PELI1: variants seen among roughly 807,000 people sequenced by gnomAD.
PELI1 encodes the protein pellino E3 ubiquitin protein ligase 1.
A neutral mutation model predicts 41.3 loss-of-function variants in PELI1; 15 were observed. The observed-to-expected ratio is 0.36, with a 90% CI of 0.24 to 0.56. The LOEUF (loss-of-function observed/expected upper bound fraction) is 0.56. Among genes scored for constraint, PELI1 ranks in the 20% least tolerant of loss-of-function variants. PELI1 has a pLI of 0.82. For synonymous variants in PELI1, 178 were observed against 180.1 expected (o/e 0.99, Z 0.09); for missense variants, 403 against 525.5 (o/e 0.77, Z 2.28).
At chr2:64,109,023 G>A (rs756282615) in intron 1 of PELI1, among the ~76,000 whole-genome samples, 51 of 152,192 alleles carry the variant, frequency 3.4e-4, no homozygotes, top group Admixed American at 6.5e-5. Context: ...ACCATAGTGA[G>A]GAGCTCCAAT....
rs1681879274 is a variant in PELI1 at position 64,140,793 on chromosome 2, AAAAAAACAAACAAAC to A, written c.-70+3273_-70+3287del. On this transcript the variant is annotated intron_variant, in intron 1 of 6. Transcript: ENST00000358912. ...ATCTACTCAAGACAACATGCAAAAAAAAAAAACAAACAAACAAAAAAAAACCTAGGGGCAGAACTT... is the reference window on the plus strand; with the variant it reads ...ATCTACTCAAGACAACATGCAAAAAAAAAAAAAAACCTAGGGGCAGAACTT... Among the ~76,000 whole-genome samples, 7 of 139,022 alleles carry A rather than the reference AAAAAAACAAACAAAC, an allele frequency of 5.0e-5. 1 individual carries two copies. The South Asian group carries it at 1.1e-3, about 23-fold the overall frequency. 91.2% of individuals were successfully genotyped at this position (139,022 alleles called of 152,430 possible). A position where few individuals can be genotyped will look rare whatever the true frequency, so the allele number is the denominator to read the frequency against.
intron 1 of PELI1, among the ~76,000 whole-genome samples, chr2:64,116,143 G>A (rs941304804): frequency 1.6e-4 from 25 of 152,154 alleles, no homozygotes; most frequent in African/African-American, 4.8e-5. Context: ...ACAGGGTCAC[G>A]TGCTCCCTGA....
intron 3 of PELI1, 175 bp downstream of exon 3, chr2:64,104,526 C>G: frequency 5.1e-6 from 5 of 981,032 alleles, no homozygotes; most frequent in Non-Finnish European, 6.8e-6. Context: ...AGTCCAATTC[C>G]CCTTCCATAT....
chr2:64,123,075 C>A (rs979780980), intron 1 of PELI1, among the ~76,000 whole-genome samples: 1 of 152,178 alleles, frequency 6.6e-6, no homozygotes, highest in African/African-American at 2.4e-5. Flanking sequence ...CACTAAAGAA[C>A]AGAGCAGTCA....
intron 1 of PELI1, among the ~76,000 whole-genome samples, chr2:64,129,959 T>C (rs1681502529): frequency 1.3e-5 from 2 of 152,244 alleles, no homozygotes; most frequent in East Asian, 3.8e-4. Context: ...ATGTAATTTT[T>C]GTTAGAAATG....
chr2:64,120,199 A>C (rs1681161191), intron 1 of PELI1, among the ~76,000 whole-genome samples: 1 of 152,244 alleles, frequency 6.6e-6, no homozygotes, highest in African/African-American at 2.4e-5. Flanking sequence ...AAGCACCTAC[A>C]TACTGACATG....
chr2:64,142,372 T>G (rs1455226526), intron 1 of PELI1, among the ~76,000 whole-genome samples: 6 of 152,196 alleles, frequency 3.9e-5, no homozygotes, highest in Non-Finnish European at 8.8e-5. Context: ...AGGACAACTA[T>G]ATAGTACAAA....
Position 64,121,818 on chromosome 2 carries a change from T to C in PELI1, c.-69-13439A>G, listed in dbSNP as rs188370743. 5.2e-4 allele frequency among the ~76,000 whole-genome samples: 78 copies of C among 150,302 alleles called. 1 individual carries two copies. In the East Asian group the frequency reaches 0.014, roughly 28 times the overall value. Reference sequence around the variant, plus strand: ...TACTTGGGAGGCTGAGGCAGGAGAATAGCTTGAACCCGGGAGGCGGAGGTT... The same window carrying C: ...TACTTGGGAGGCTGAGGCAGGAGAACAGCTTGAACCCGGGAGGCGGAGGTT... On this transcript the variant is annotated intron_variant, in intron 1 of 6. Coordinates refer to ENST00000358912, the MANE Select transcript of PELI1 (RefSeq NM_020651.4).
chr2:64,133,832 TG>T (rs10713817), intron 1 of PELI1, among the ~76,000 whole-genome samples: 34,847 of 151,882 alleles, frequency 0.23, 5,288 homozygotes, highest in East Asian at 0.74. Flanking sequence ...GATGGTTTTA[TG>T]GGCATTATAG....
At chr2:64,117,378 A>G (rs1471155760) in intron 1 of PELI1, among the ~76,000 whole-genome samples, 2 of 151,950 alleles carry the variant, frequency 1.3e-5, no homozygotes, top group Non-Finnish European at 2.9e-5. Flanking sequence ...AATATATAAT[A>G]GACCTGGAAA....
At chr2:64,108,946 C>G (rs1680709288) in intron 1 of PELI1, among the ~76,000 whole-genome samples, 1 of 152,206 alleles carries the variant, frequency 6.6e-6, no homozygotes, top group Non-Finnish European at 1.5e-5. Flanking sequence ...ACCCAGAAAA[C>G]AGTTTTGCCC....
intron 3 of PELI1, among the ~76,000 whole-genome samples, chr2:64,101,206 G>A (rs569203481): frequency 6.6e-6 from 1 of 151,968 alleles, no homozygotes; most frequent in Admixed American, 6.5e-5. Context: ...TCACTCATAA[G>A]CCAAGTTAAC....
chr2:64,124,852 T>G, intron 1 of PELI1, among the ~76,000 whole-genome samples: 1 of 151,968 alleles, frequency 6.6e-6, no homozygotes, highest in Middle Eastern at 3.4e-3. Context: ...AAAGGGCTCA[T>G]GCCACAAGAC....
At chr2:64,137,010 A>G (rs1681739988) in intron 1 of PELI1, among the ~76,000 whole-genome samples, 1 of 152,212 alleles carries the variant, frequency 6.6e-6, no homozygotes, top group Admixed American at 6.5e-5. Flanking sequence ...AGTAAAAATC[A>G]CTGAAATGTT....
chr2:64,140,813 A>AAAAC (rs1681886166), intron 1 of PELI1, among the ~76,000 whole-genome samples: 1 of 148,672 alleles, frequency 6.7e-6, no homozygotes, highest in African/African-American at 2.5e-5. Context: ...ACAAACAAAA[A>AAAAC]AAAACCTAGG....
intron 1 of PELI1, among the ~76,000 whole-genome samples, chr2:64,121,453 T>C (rs1681206447): frequency 6.6e-6 from 1 of 152,202 alleles, no homozygotes; most frequent in Non-Finnish European, 1.5e-5. Flanking sequence ...TATATCATCA[T>C]TAACATCTTA....
intron 1 of PELI1, among the ~76,000 whole-genome samples, chr2:64,122,342 TAAA>T (rs59972052): frequency 2.0e-5 from 2 of 100,548 alleles, no homozygotes; most frequent in Admixed American, 2.0e-4. Flanking sequence ...CTCTGAAACT[TAAA>T]AAAAAAAAAA....
chr2:64,140,812 A>AAAAAAAAC (rs1558490191), intron 1 of PELI1, among the ~76,000 whole-genome samples: 1 of 148,452 alleles, frequency 6.7e-6, no homozygotes, highest in African/African-American at 2.5e-5. Flanking sequence ...AACAAACAAA[A>AAAAAAAAC]AAAAACCTAG....
Position 64,096,490 on chromosome 2 carries a change from T to A in PELI1, c.424A>T (p.Ile142Leu). ...GTAAAGGGAGGATTCCGTTCACATA[T>A]GATTCTGCAGGCAAATCTTGATATA... ...STISRFACRI[I>L]CERNPPFTAR... The change falls in exon 5 of 7, where the codon ATA (isoleucine) becomes TTA (leucine). Residue 142 changes from isoleucine (I) to leucine (L), a missense_variant. Transcript: ENST00000358912. 1.2e-6 allele frequency: 2 copies of A among 1,613,360 alleles called. No individual in the cohort carries two copies. The highest frequency in any genetic ancestry group is 1.7e-6 in the Non-Finnish European group (2 of 1,179,268).
Sources: allele counts gnomAD v4.1 joint callset (sites outside exome capture counted in the v4.1 genomes callset), GRCh38; gene constraint gnomAD v4.1.1; transcripts MANE v1.5; gene names NCBI Gene and HGNC (gene_info 2026-07-23, HGNC 2026-07-21).